COBLL1: variants seen among roughly 807,000 people sequenced by gnomAD.
COBLL1 encodes cordon-bleu protein-like 1.
Under a neutral mutation model 94.8 loss-of-function variants are expected in COBLL1, and 50 were observed. The ratio of observed to expected loss-of-function variants is 0.53; its 90% confidence interval spans 0.42 to 0.67. The LOEUF is 0.67. Among genes scored for constraint, COBLL1 ranks in the 30% least tolerant of loss-of-function variants. The probability of loss-of-function intolerance (pLI) is 0.00; values close to 1 mark genes in which losing one functional copy is unlikely to be tolerated. For missense variants in COBLL1, 1,362 were observed against 1,348.7 expected, an observed-to-expected ratio of 1.01 and a Z score of -0.15; for synonymous variants, 448 against 473.8, an observed-to-expected ratio of 0.95 and a Z score of 0.71.
intron 2 of COBLL1, among the ~76,000 whole-genome samples, chr2:164,769,533 C>T (rs355850): frequency 0.24 from 36,263 of 151,946 alleles, 5,097 homozygotes; most frequent in African/African-American, 0.39. Flanking sequence ...GTGTAAAAGG[C>T]CAAATTACAG....
intron 2 of COBLL1, among the ~76,000 whole-genome samples, chr2:164,748,025 C>T (rs1264749663): frequency 1.3e-5 from 2 of 152,056 alleles, no homozygotes; most frequent in Non-Finnish European, 2.9e-5. Flanking sequence ...CTGAGACCAG[C>T]TGTGTGTGGT....
At chr2:164,701,287 G>T (rs1684241893) in intron 9 of COBLL1, among the ~76,000 whole-genome samples, 1 of 152,110 alleles carries the variant, frequency 6.6e-6, no homozygotes, top group Admixed American at 6.5e-5. Context: ...ATCTCTGAAG[G>T]GTGGGGCAAG....
At chr2:164,698,495 T>C (rs1166420824) in intron 11 of COBLL1, among the ~76,000 whole-genome samples, 3 of 151,866 alleles carry the variant, frequency 2.0e-5, no homozygotes, top group Middle Eastern at 6.8e-3. Context: ...CCTAGTTTTC[T>C]AGATTAACAT....
At position 164,683,300 on chromosome 2, in the gene COBLL1, C is replaced by G. The variant is rs964684813; in HGVS notation, c.*2646G>C. On this transcript the variant is annotated 3_prime_UTR_variant, in exon 14 of 14. Transcript: ENST00000652658. ...TATACATGAAAGTCAAAAGTTGGTT[C>G]TAGACCATTCCTGTATCTTCCTTGT... The G allele has an allele frequency of 6.6e-6, 1 of 151,938 alleles. No individual in the cohort carries two copies. The allele number at this position is 151,938 out of a possible 1,614,324, so 9.4% of individuals were successfully genotyped here. A position where few individuals can be genotyped will look rare whatever the true frequency, so the allele number is the denominator to read the frequency against.
At chr2:164,802,620 A>G (rs1294219172) in intron 2 of COBLL1, among the ~76,000 whole-genome samples, 2 of 152,176 alleles carry the variant, frequency 1.3e-5, no homozygotes, top group Non-Finnish European at 2.9e-5. Flanking sequence ...TGATCTGATA[A>G]AGTTAGAACA....
intron 2 of COBLL1, among the ~76,000 whole-genome samples, chr2:164,805,331 C>CTATATATATATA (rs1287905601): frequency 1.1e-3 from 23 of 21,276 alleles, no homozygotes; most frequent in African/African-American, 1.4e-3. Context: ...CTCTCTCTCT[C>CTATATATATATA]TCTCTCTATA....
chr2:164,738,600 G>A (rs1288570540), intron 3 of COBLL1, among the ~76,000 whole-genome samples: 1 of 152,158 alleles, frequency 6.6e-6, no homozygotes, highest in Non-Finnish European at 1.5e-5. Context: ...GAAAGGCAAG[G>A]AACTGCTTTG....
rs556673194 is a variant in COBLL1 at position 164,682,200 on chromosome 2, G to C, written c.*3746C>G. ...ATGTGGATCAAATAAAAATCTTGTTGTCAACTCTGAAATAGCAAATAAATA... is the reference window on the plus strand; with the variant it reads ...ATGTGGATCAAATAAAAATCTTGTTCTCAACTCTGAAATAGCAAATAAATA... On this transcript the variant is annotated 3_prime_UTR_variant, in exon 14 of 14. Transcript: ENST00000652658. 1 of 152,076 alleles carries C rather than the reference G, an allele frequency of 6.6e-6. No individual in the cohort carries two copies. Among genetic ancestry groups the C allele is most frequent in the Non-Finnish European group, 1.5e-5 (1 of 68,008 alleles). 9.4% of individuals were successfully genotyped at this position (152,076 alleles called of 1,614,324 possible).
At chr2:164,838,390 A>G (rs1262247219) in intron 2 of COBLL1, among the ~76,000 whole-genome samples, 1 of 152,362 alleles carries the variant, frequency 6.6e-6, no homozygotes, top group African/African-American at 2.4e-5. Flanking sequence ...TGAATGGGCT[A>G]ATTTATCATA....
intron 2 of COBLL1, among the ~76,000 whole-genome samples, chr2:164,658,949 C>T (rs1691026268): frequency 6.6e-6 from 1 of 152,080 alleles, no homozygotes; most frequent in African/African-American, 2.4e-5. Context: ...CTTCTATTTC[C>T]CTTTCCCTTC....
chr2:164,769,438 G>A (rs142880759), intron 2 of COBLL1, among the ~76,000 whole-genome samples: 2,752 of 152,192 alleles, frequency 0.018, 39 homozygotes, highest in Non-Finnish European at 0.026. Context: ...TCAGACTGGT[G>A]GTTTGGCAAC....
chr2:164,714,370 GAAA>G (rs35115672), intron 7 of COBLL1, among the ~76,000 whole-genome samples: 21 of 114,398 alleles, frequency 1.8e-4, no homozygotes, highest in East Asian at 2.6e-4. Flanking sequence ...CATCTTGGAT[GAAA>G]AAAAAAAAAA....
rs571529212 is a variant in COBLL1 at position 164,733,017 on chromosome 2, T to A, written c.231-2902A>T. On this transcript the variant is annotated intron_variant, in intron 3 of 13. Transcript: ENST00000652658. ...TTGCAGTGAGCCGAGATCACGCCACTGCACTCCAGCCTGGGTAACAGAGAA... is the reference window on the plus strand; with the variant it reads ...TTGCAGTGAGCCGAGATCACGCCACAGCACTCCAGCCTGGGTAACAGAGAA... 2.0e-5 allele frequency among the ~76,000 whole-genome samples: 3 copies of A among 152,310 alleles called. No individual in the cohort carries two copies. The South Asian group carries it at 6.2e-4, about 32-fold the overall frequency.
rs73968268 is a variant in COBLL1 at position 164,808,439 on chromosome 2, G to A, written c.41+32717C>T. ...TTTGTTTTCATCATCAGTGCTTACC[G>A]TTAGTCCAACACATTTATAGCAGTC... On this transcript the variant is annotated intron_variant, in intron 2 of 13. Transcript: ENST00000652658. Among the ~76,000 whole-genome samples the A allele has an allele frequency of 2.8e-3, 428 of 152,122 alleles. 4 individuals are homozygous for A. The highest frequency in any genetic ancestry group is 9.6e-3 in the African/African-American group (400 of 41,526).
At chr2:164,702,818 G>GT (rs1684378463) in intron 9 of COBLL1, among the ~76,000 whole-genome samples, 1 of 151,776 alleles carries the variant, frequency 6.6e-6, no homozygotes, top group African/African-American at 2.4e-5. Context: ...CCTCAATTGT[G>GT]TTTTCAAAGT....
intron 2 of COBLL1, among the ~76,000 whole-genome samples, chr2:164,793,416 TTTAA>T (rs1683290657): frequency 6.6e-6 from 1 of 152,172 alleles, no homozygotes; most frequent in Admixed American, 6.5e-5. Flanking sequence ...ATCTCATAAA[TTTAA>T]TTCTTTAACA....
Position 164,700,654 on chromosome 2 carries a change from T to C in COBLL1, c.1328A>G (p.Asp443Gly). ...TATATCAGTAGATACAAAAGGAATA[T>C]CTTGTGACTTCGGAGAAATATTTTC... ...EAENISPKSQ[D>G]IPFVSTDIIN... is the part of the protein sequence containing the mutation. Residue 443 changes from aspartate to glycine, a missense_variant, in exon 10 of 14, where the codon GAT becomes GGT. Coordinates refer to ENST00000652658, the MANE Select transcript of COBLL1 (RefSeq NM_001365672.2). 2 of 1,613,296 alleles carry C rather than the reference T, an allele frequency of 1.2e-6. No individual in the cohort carries two copies. Among genetic ancestry groups the C allele is most frequent in the Non-Finnish European group, 1.7e-6 (2 of 1,179,332 alleles).
intron 7 of COBLL1, chr2:164,718,242 C>T (rs1033395872): frequency 3.8e-5 from 37 of 984,660 alleles, no homozygotes; most frequent in Non-Finnish European, 4.3e-5. Context: ...CAATTCCTGC[C>T]TTCTGGGTGG....
intron 11 of COBLL1, among the ~76,000 whole-genome samples, chr2:164,699,058 T>C (rs1684098842): frequency 6.7e-6 from 1 of 148,328 alleles, no homozygotes; most frequent in Non-Finnish European, 1.5e-5. Flanking sequence ...AGAAGAAACA[T>C]TTTTAAGATC....
Sources: gnomAD v4.1 joint callset for allele counts (sites outside exome capture counted in the v4.1 genomes callset) on GRCh38, gnomAD v4.1.1 for gene constraint, MANE v1.5 for transcripts, NCBI Gene and HGNC (gene_info 2026-07-23, HGNC 2026-07-21) for gene names.